The following TANC1 variants were observed in gnomAD, a reference collection of about 807,000 sequenced individuals.
The protein encoded by TANC1 is tetratricopeptide repeat, ankyrin repeat and coiled-coil containing 1.
In TANC1, 77 loss-of-function variants were observed where a neutral mutation model predicts 149.7. That is an observed-to-expected ratio of 0.51 (90% CI 0.43 to 0.62). TANC1 has a LOEUF of 0.62. Ranked by LOEUF, TANC1 falls within the 20% of genes least tolerant of loss-of-function variation. TANC1 has a pLI of 0.00. For synonymous variants in TANC1, 854 were observed against 925.0 expected (o/e 0.92, Z 1.39); for missense variants, 1,985 against 2,321.8 (o/e 0.85, Z 2.98).
chr2:159,106,593 G>A (rs927042359), intron 4 of TANC1, among the ~76,000 whole-genome samples: 9 of 152,080 alleles, frequency 5.9e-5, no homozygotes, highest in Admixed American at 1.3e-4. Flanking sequence ...GTATTTTGTT[G>A]TTTCCACATT....
chr2:159,066,486 G>C (rs1255201109), intron 3 of TANC1, among the ~76,000 whole-genome samples: 1 of 152,096 alleles, frequency 6.6e-6, no homozygotes, highest in Non-Finnish European at 1.5e-5. Flanking sequence ...ATTGAGTTTG[G>C]GTTATAACCA....
intron 3 of TANC1, among the ~76,000 whole-genome samples, chr2:159,076,387 A>G (rs1326264521): frequency 6.6e-6 from 1 of 152,198 alleles, no homozygotes; most frequent in African/African-American, 2.4e-5. Context: ...AAGAATTTAT[A>G]AAGAAACCAA....
intron 4 of TANC1, 81 bp downstream of exon 4, chr2:159,097,915 A>G: frequency 2.5e-6 from 3 of 1,186,876 alleles, no homozygotes; most frequent in Non-Finnish European, 3.6e-6. Flanking sequence ...GCCCATGAGA[A>G]ATCTTCTGGG....
Position 159,232,043 on chromosome 2 carries a change from G to A in TANC1, c.*1031G>A, listed in dbSNP as rs2060351800. 1.3e-5 allele frequency: 2 copies of A among 152,566 alleles called. No individual in the cohort carries two copies. Among genetic ancestry groups the A allele is most frequent in the South Asian group, 2.1e-4 (1 of 4,826 alleles). 9.5% of individuals were successfully genotyped at this position (152,566 alleles called of 1,614,324 possible). ...AAACAAAAAAGAAAACCCCAGTCAC[G>A]ATTTGCATGTTCTCTGTAAGCTTCA... On this transcript the variant is annotated 3_prime_UTR_variant, in exon 27 of 27. Transcript: ENST00000263635.
At position 159,178,642 on chromosome 2, in the gene TANC1, C is replaced by T. The variant is rs1406399969; in HGVS notation, c.1989C>T (p.Tyr663=). The T allele has an allele frequency of 1.2e-5, 19 of 1,614,052 alleles. No individual in the cohort carries two copies. Among genetic ancestry groups the T allele is most frequent in the East Asian group, 2.2e-5 (1 of 44,888 alleles). ...ACATCCACAGTGACCTGCACGCCTA[C>T]GTCCAGCACAGGGTGCACAGCAGCC... ...NKDIHSDLHA[Y]VQHRVHSSQD... The change falls in exon 14 of 27, where the codon TAC becomes TAT. Residue 663 remains tyrosine, a synonymous_variant. Coordinates refer to ENST00000263635, the MANE Select transcript of TANC1 (RefSeq NM_033394.3).
intron 1 of TANC1, among the ~76,000 whole-genome samples, chr2:158,976,656 AG>A (rs1278842242): frequency 6.6e-6 from 1 of 152,148 alleles, no homozygotes; most frequent in Non-Finnish European, 1.5e-5. Flanking sequence ...CAAGGCGGGC[AG>A]ATCACCTGAG....
rs566286534 is a variant in TANC1, at chr2:158,970,439, G to A, written c.-126+1657G>A. The stretch of plus-strand genomic sequence containing the variant: ...CTGCTTCTTGATTGCTGGGAATGAA[G>A]GAGTTTATGAGCGGCTGAGACTACT... On this transcript the variant is annotated intron_variant, in intron 1 of 26. Transcript: ENST00000263635. Among the ~76,000 whole-genome samples, 151 of 152,280 alleles carry A rather than the reference G, an allele frequency of 9.9e-4. 1 individual carries two copies. Among genetic ancestry groups the A allele is most frequent in the African/African-American group, 3.0e-3 (123 of 41,558 alleles).
intron 4 of TANC1, among the ~76,000 whole-genome samples, chr2:159,126,580 C>T (rs2049475899): frequency 6.6e-6 from 1 of 152,202 alleles, no homozygotes; most frequent in Non-Finnish European, 1.5e-5. Context: ...GTTAACATAA[C>T]CTGCTCTTGG....
intron 2 of TANC1, among the ~76,000 whole-genome samples, chr2:159,003,743 TGCC>T: frequency 6.6e-6 from 1 of 152,346 alleles, no homozygotes; most frequent in South Asian, 2.1e-4. Flanking sequence ...CAGCTGCCGC[TGCC>T]GCAGTCGTCG....
At chr2:159,139,434 TA>T (rs2051123206) in intron 5 of TANC1, among the ~76,000 whole-genome samples, 14 of 152,206 alleles carry the variant, frequency 9.2e-5, no homozygotes. Context: ...GTAAGCTTCC[TA>T]TTGCTAAATC....
At chr2:159,012,320 T>A (rs759254595) in intron 2 of TANC1, among the ~76,000 whole-genome samples, 2 of 152,240 alleles carry the variant, frequency 1.3e-5, no homozygotes, top group Non-Finnish European at 2.9e-5. Context: ...TATTCTGGCA[T>A]GTATTATTCA....
intron 14 of TANC1, among the ~76,000 whole-genome samples, chr2:159,180,581 G>A (rs1299644397): frequency 1.3e-5 from 2 of 152,178 alleles, no homozygotes; most frequent in Non-Finnish European, 2.9e-5. Flanking sequence ...ACATCCCCTG[G>A]GGCAGGACCT....
chr2:159,178,986 A>G lies in TANC1; in HGVS notation c.2333A>G (p.Asn778Ser). Residue 778 changes from asparagine (N) to serine (S), a missense_variant, in exon 14 of 27, where the codon AAT (asparagine) becomes AGT (serine). Transcript: ENST00000263635. ...GACGAGCAGATCTTTCAGGCTATTA[A>G]TGCTGGCCACATCCAGGGGGAGCAG... ...MTDEQIFQAI[N>S]AGHIQGEQGW... 6.2e-7 allele frequency: 1 copy of G among 1,614,078 alleles called. No homozygotes were observed. Among genetic ancestry groups the G allele is most frequent in the East Asian group, 2.2e-5 (1 of 44,882 alleles).
At chr2:158,984,403 GA>G (rs1346832756) in intron 1 of TANC1, among the ~76,000 whole-genome samples, 1 of 152,190 alleles carries the variant, frequency 6.6e-6, no homozygotes, top group Non-Finnish European at 1.5e-5. Context: ...TCCTTCATAA[GA>G]GTGGTGTTAG....
chr2:159,165,251 G>A (rs905117412), intron 8 of TANC1, among the ~76,000 whole-genome samples: 2 of 152,186 alleles, frequency 1.3e-5, no homozygotes, highest in African/African-American at 4.8e-5. Flanking sequence ...AGCTTTTCCA[G>A]GAGGCTGCCG....
At chr2:159,194,537 C>A in intron 17 of TANC1, 44 bp downstream of exon 17, 2 of 1,491,194 alleles carry the variant, frequency 1.3e-6, no homozygotes, top group Non-Finnish European at 1.9e-6. Flanking sequence ...AGGGAAATGG[C>A]TTCATCTCAT....
In TANC1 at chr2:159,199,060, A is replaced by G. The variant is rs1248422512; in HGVS notation, c.3244+7A>G. On this transcript the variant is annotated splice_region_variant and intron_variant, in intron 19 of 26. Coordinates refer to ENST00000263635, the MANE Select transcript of TANC1 (RefSeq NM_033394.3). Reference sequence around the variant, plus strand: ...ACATTGTGGGGAGAAACAGGTAATTATAATGCCACTGCTTGTAGTCTGGGG... The same window carrying G: ...ACATTGTGGGGAGAAACAGGTAATTGTAATGCCACTGCTTGTAGTCTGGGG... 1 of 1,610,352 alleles carries G rather than the reference A, an allele frequency of 6.2e-7. No homozygotes were observed. Among genetic ancestry groups the G allele is most frequent in the South Asian group, 1.1e-5 (1 of 90,978 alleles).
intron 4 of TANC1, among the ~76,000 whole-genome samples, chr2:159,110,956 G>A (rs1484711285): frequency 6.6e-6 from 1 of 152,190 alleles, no homozygotes; most frequent in Non-Finnish European, 1.5e-5. Flanking sequence ...AACACAGTGG[G>A]TTCCACTTCT....
chr2:159,075,403 T>TAAA (rs767567219), intron 3 of TANC1, among the ~76,000 whole-genome samples: 2 of 117,546 alleles, frequency 1.7e-5, no homozygotes, highest in Admixed American at 8.5e-5. Flanking sequence ...CCTTGTCTAT[T>TAAA]AAAAAAAAAA....
Sources: allele counts gnomAD v4.1 joint callset (sites outside exome capture counted in the v4.1 genomes callset), GRCh38; gene constraint gnomAD v4.1.1; transcripts MANE v1.5; gene names NCBI Gene and HGNC (gene_info 2026-07-23, HGNC 2026-07-21).